The following PDGFD variants were observed in gnomAD, a reference collection of about 807,000 sequenced individuals.
PDGFD encodes platelet derived growth factor D, also known as platelet-derived growth factor D.
Under a neutral mutation model 44.7 loss-of-function variants are expected in PDGFD, and 30 were observed. That is an observed-to-expected ratio of 0.67 (90% CI 0.50 to 0.91). The LOEUF (loss-of-function observed/expected upper bound fraction) is 0.91, where lower values mean the gene tolerates loss of function less well. Among genes scored for constraint, PDGFD ranks in the 40% least tolerant of loss-of-function variants. PDGFD has a pLI of 0.00. For missense variants in PDGFD, 445 were observed against 457.8 expected (o/e 0.97, Z 0.25); for synonymous variants, 173 against 168.4 (o/e 1.03, Z -0.21).
chr11:104,082,668 G>A (rs977674815), intron 1 of PDGFD, among the ~76,000 whole-genome samples: 1 of 151,942 alleles, frequency 6.6e-6, no homozygotes, highest in African/African-American at 2.4e-5. Context: ...GTCTTGCTCT[G>A]TTGCCCAGGC....
In PDGFD at chr11:104,065,407, G is replaced by A. The variant is rs1860775130; in HGVS notation, c.125-65152C>T. ...CACTCTAACCACATGCCTTACTAAA[G>A]GTTTGGATTTTCTTGAAAAATTTTA... On this transcript the variant is annotated intron_variant, in intron 1 of 6. Transcript: ENST00000393158. 2.0e-5 allele frequency among the ~76,000 whole-genome samples: 3 copies of A among 152,070 alleles called. No homozygotes were observed. In the South Asian group the frequency reaches 6.2e-4, roughly 32 times the overall value.
intron 1 of PDGFD, among the ~76,000 whole-genome samples, chr11:104,048,594 A>G (rs1860479513): frequency 6.6e-6 from 1 of 152,178 alleles, no homozygotes; most frequent in South Asian, 2.1e-4. Flanking sequence ...AAATATTCTA[A>G]GTCACCTCTT....
intron 5 of PDGFD, among the ~76,000 whole-genome samples, chr11:103,936,432 A>C (rs1482229085): frequency 2.6e-5 from 4 of 152,232 alleles, no homozygotes; most frequent in Non-Finnish European, 4.4e-5. Context: ...CCTCCTGTTT[A>C]GCATGCAGTG....
intron 3 of PDGFD, among the ~76,000 whole-genome samples, chr11:103,987,065 AC>A (rs10565380): frequency 0.25 from 35,438 of 141,730 alleles, 4,585 homozygotes; most frequent in African/African-American, 0.39. Context: ...CCACTTTCCA[AC>A]CCCCCCCCAC....
chr11:104,133,333 T>C (rs575667210), intron 1 of PDGFD, among the ~76,000 whole-genome samples: 8 of 152,282 alleles, frequency 5.3e-5, no homozygotes, highest in African/African-American at 1.9e-4. Context: ...TTTGGCATGA[T>C]TTTTATAAGT....
intron 1 of PDGFD, among the ~76,000 whole-genome samples, chr11:104,056,004 C>A (rs1004590304): frequency 6.6e-6 from 1 of 152,074 alleles, no homozygotes; most frequent in Non-Finnish European, 1.5e-5. Flanking sequence ...AGAATATTCA[C>A]CCCTACCTCA....
At position 104,000,228 on chromosome 11, in the gene PDGFD, C is replaced by T. The variant is rs369957809; in HGVS notation, c.152G>A (p.Arg51Gln). 46 of 1,613,904 alleles carry T rather than the reference C, an allele frequency of 2.9e-5. 1 individual carries two copies. Among genetic ancestry groups the T allele is most frequent in the South Asian group, 1.8e-4 (16 of 91,068 alleles). ...DESNHLTDLY[R>Q]RDETIQVKGN... ...TTTCACCTGGATGGTCTCATCTCTT[C>T]GGTACAAGTCTGTGAGGTGATTGCT... is the stretch of plus-strand genomic sequence containing the variant. Residue 51 changes from arginine to glutamine, a missense_variant, in exon 2 of 7, where the codon CGA becomes CAA. By Grantham distance (43) the Arg-to-Gln change is conservative (BLOSUM62 1). Coordinates refer to ENST00000393158, the MANE Select transcript of PDGFD (RefSeq NM_025208.5).
chr11:104,107,027 G>T (rs1276010650), intron 1 of PDGFD, among the ~76,000 whole-genome samples: 1 of 152,142 alleles, frequency 6.6e-6, no homozygotes, highest in African/African-American at 2.4e-5. Flanking sequence ...TTAGAGGCGT[G>T]AGCTACCACG....
chr11:104,138,233 A>C (rs896811290), intron 1 of PDGFD, among the ~76,000 whole-genome samples: 4 of 152,248 alleles, frequency 2.6e-5, no homozygotes, highest in African/African-American at 9.6e-5. Context: ...AAATAGAGAA[A>C]AAATGACAAC....
intron 1 of PDGFD, chr11:104,037,228 G>C: frequency 1.2e-6 from 2 of 1,613,604 alleles, no homozygotes; most frequent in Non-Finnish European, 1.7e-6. Flanking sequence ...GAAGGTGGCC[G>C]GCCTGCAAGG....
intron 1 of PDGFD, among the ~76,000 whole-genome samples, chr11:104,087,781 T>C (rs1229950153): frequency 6.6e-6 from 1 of 152,192 alleles, no homozygotes; most frequent in Admixed American, 6.5e-5. Flanking sequence ...GCCTTGGTGC[T>C]GTGCCGCAAG....
chr11:104,007,747 CTATAA>C (rs1200123677), intron 1 of PDGFD, among the ~76,000 whole-genome samples: 2 of 152,142 alleles, frequency 1.3e-5, no homozygotes, highest in East Asian at 1.9e-4. Context: ...TTTCATGATC[CTATAA>C]TATGTCATAG....
intron 1 of PDGFD, among the ~76,000 whole-genome samples, chr11:104,045,920 A>G (rs1003128331): frequency 1.4e-5 from 2 of 146,810 alleles, no homozygotes; most frequent in African/African-American, 5.0e-5. Context: ...GAGGAGGGGA[A>G]GAAACATGGA....
At chr11:103,990,593 C>T (rs1236952378) in intron 3 of PDGFD, among the ~76,000 whole-genome samples, 2 of 152,194 alleles carry the variant, frequency 1.3e-5, no homozygotes, top group African/African-American at 2.4e-5. Flanking sequence ...GGGCACTGGA[C>T]ATGCCTTGTC....
intron 3 of PDGFD, among the ~76,000 whole-genome samples, chr11:103,962,424 T>C (rs1474532029): frequency 1.3e-5 from 2 of 152,132 alleles, no homozygotes; most frequent in Non-Finnish European, 2.9e-5. Flanking sequence ...AAAAGCTATG[T>C]CTAAACCCAG....
At chr11:104,101,397 G>T (rs1362615710) in intron 1 of PDGFD, among the ~76,000 whole-genome samples, 1 of 152,010 alleles carries the variant, frequency 6.6e-6, no homozygotes, top group African/African-American at 2.4e-5. Flanking sequence ...ACTTACAAGG[G>T]ACATGAAGGA....
At chr11:103,972,128 GT>G (rs1373663877) in intron 3 of PDGFD, among the ~76,000 whole-genome samples, 2 of 152,186 alleles carry the variant, frequency 1.3e-5, no homozygotes, top group African/African-American at 4.8e-5. Context: ...GGTAAAATGT[GT>G]ACAAATCGCT....
intron 1 of PDGFD, among the ~76,000 whole-genome samples, chr11:104,059,481 T>C (rs1295867304): frequency 6.6e-6 from 1 of 152,180 alleles, no homozygotes; most frequent in Non-Finnish European, 1.5e-5. Flanking sequence ...CTCCCCCAAG[T>C]GAACATTTTC....
intron 3 of PDGFD, among the ~76,000 whole-genome samples, chr11:103,985,163 T>G (rs1859343239): frequency 7.0e-6 from 1 of 142,020 alleles, no homozygotes; most frequent in African/African-American, 2.6e-5. Context: ...TTATTTAATA[T>G]ATAATATATT....
Sources: gnomAD v4.1 joint callset for allele counts (sites outside exome capture counted in the v4.1 genomes callset) on GRCh38, gnomAD v4.1.1 for gene constraint, MANE v1.5 for transcripts, NCBI Gene and HGNC (gene_info 2026-07-23, HGNC 2026-07-21) for gene names.